RBM43: variants seen among roughly 807,000 people sequenced by gnomAD.
The protein encoded by RBM43 is RNA binding motif protein 43.
Under a neutral mutation model 12.4 loss-of-function variants are expected in RBM43, and 12 were observed. The ratio of observed to expected loss-of-function variants is 0.97; its 90% CI spans 0.62 to 1.57. The LOEUF (loss-of-function observed/expected upper bound fraction) is 1.57, where lower values mean the gene tolerates loss of function less well. Ranked by LOEUF, RBM43 falls within the 40% of genes most tolerant of loss-of-function variation. RBM43 has a pLI of 0.00. For synonymous variants in RBM43, 138 were observed against 145.7 expected (o/e 0.95, Z 0.38); for missense variants, 348 against 400.1 (o/e 0.87, Z 1.11).
chr2:151,259,679 T>C (rs1262651722), intron 1 of RBM43, among the ~76,000 whole-genome samples: 1 of 151,866 alleles, frequency 6.6e-6, no homozygotes, highest in Non-Finnish European at 1.5e-5. Context: ...TTAAATATGG[T>C]TACAAAAAAA....
At chr2:151,259,237 A>AT (rs1425698159) in intron 1 of RBM43, among the ~76,000 whole-genome samples, 1 of 152,216 alleles carries the variant, frequency 6.6e-6, no homozygotes, top group Non-Finnish European at 1.5e-5. Flanking sequence ...AAAAATACAC[A>AT]TAACACTGGA....
intron 1 of RBM43, among the ~76,000 whole-genome samples, chr2:151,257,490 G>A (rs780009618): frequency 6.7e-6 from 1 of 148,918 alleles, no homozygotes; most frequent in Non-Finnish European, 1.5e-5. Flanking sequence ...TTGGGAGTTC[G>A]AGACCAGCCT....
chr2:151,251,672 TAA>T lies in RBM43; in HGVS notation c.316-10_316-9del, dbSNP rs1682906279. On this transcript the variant is annotated splice_polypyrimidine_tract_variant and intron_variant, in intron 3 of 3. Coordinates refer to ENST00000331426, the MANE Select transcript of RBM43 (RefSeq NM_198557.3). ...ATTTACAGAGCTGAAGATCTGAAAT[TAA>T]AAAGAGAGAAATGAAAACAGTACTG... is the stretch of plus-strand genomic sequence containing the variant. The T allele has an allele frequency of 6.3e-7, 1 of 1,598,260 alleles. No individual in the cohort carries two copies. The highest frequency in any genetic ancestry group is 8.5e-7 in the Non-Finnish European group (1 of 1,175,104).
Position 151,248,055 on chromosome 2 carries a change from G to A in RBM43, c.*2851C>T, listed in dbSNP as rs1160471084. 6.6e-6 allele frequency: 1 copy of A among 152,108 alleles called. No homozygotes were observed. Among genetic ancestry groups the A allele is most frequent in the Non-Finnish European group, 1.5e-5 (1 of 67,974 alleles). 9.4% of individuals were successfully genotyped at this position (152,108 alleles called of 1,614,324 possible). A position where few individuals can be genotyped will look rare whatever the true frequency, so the allele number is the denominator to read the frequency against. Reference sequence around the variant, plus strand: ...TTATTTTTCTGACAAAATGGGCTAAGGATAAGCTTTAAGCTTTTTTAATAG... The same window carrying A: ...TTATTTTTCTGACAAAATGGGCTAAAGATAAGCTTTAAGCTTTTTTAATAG... On this transcript the variant is annotated 3_prime_UTR_variant, in exon 4 of 4. Coordinates refer to ENST00000331426, the MANE Select transcript of RBM43 (RefSeq NM_198557.3).
Position 151,251,619 on chromosome 2 carries a change from T to G in RBM43, c.361A>C (p.Lys121Gln), listed in dbSNP as rs540059399. ...NAILDLSVFG[K>Q]EVTLETLVKD... The stretch of plus-strand genomic sequence containing the variant: ...ACCAGAGTTTCTAGAGTAACTTCTT[T>G]TCCAAAAACAGAAAGATCAAGGATG... Residue 121 changes from lysine (K) to glutamine (Q), a missense_variant, in exon 4 of 4, where the codon AAA (lysine) becomes CAA (glutamine). Transcript: ENST00000331426. 4 of 1,612,400 alleles carry G rather than the reference T, an allele frequency of 2.5e-6. No homozygotes were observed. The African/African-American group carries it at 5.3e-5, about 22-fold the overall frequency.
chr2:151,254,141 C>A (rs1394597998), intron 2 of RBM43, among the ~76,000 whole-genome samples: 2 of 151,914 alleles, frequency 1.3e-5, no homozygotes, highest in Non-Finnish European at 2.9e-5. Flanking sequence ...ATTATAGATT[C>A]ATTTGTTTAA....
intron 1 of RBM43, among the ~76,000 whole-genome samples, chr2:151,259,948 C>A (rs1018909120): frequency 3.3e-5 from 5 of 151,918 alleles, no homozygotes; most frequent in Non-Finnish European, 7.4e-5. Flanking sequence ...TCACTGCAAC[C>A]TCCACCTCCC....
rs551694583 is a variant in RBM43, at chr2:151,255,886, G to T, written c.4-143C>A. 28 of 626,956 alleles carry T rather than the reference G, an allele frequency of 4.5e-5. No individual in the cohort carries two copies. The African/African-American group carries it at 5.1e-4, about 12-fold the overall frequency. 38.8% of individuals were successfully genotyped at this position (626,956 alleles called of 1,614,324 possible). On this transcript the variant is annotated intron_variant, in intron 1 of 3. Transcript: ENST00000331426. ...GATACTTTTTAAAAGGGGTGTAGGG[G>T]AGTAAATCCTTGCCTCACACCATAT...
intron 1 of RBM43, chr2:151,261,428 G>T: frequency 6.4e-7 from 1 of 1,550,634 alleles, no homozygotes; most frequent in African/African-American, 1.4e-5. Context: ...GGTGTGGGAG[G>T]TGACAGCCTA....
At chr2:151,259,995 A>G (rs1683026488) in intron 1 of RBM43, among the ~76,000 whole-genome samples, 1 of 151,962 alleles carries the variant, frequency 6.6e-6, no homozygotes, top group Non-Finnish European at 1.5e-5. Flanking sequence ...CCTCCTGAGT[A>G]GCTGGGACTA....
In RBM43 at chr2:151,255,533, C is replaced by CT. The variant is rs746242773; in HGVS notation, c.213dup (p.Val72SerfsTer18). The CT allele has an allele frequency of 1.3e-5, 20 of 1,586,302 alleles. No individual in the cohort carries two copies. The highest frequency in any genetic ancestry group is 4.7e-5 in the South Asian group (4 of 85,430). ...TTACAAAAATTTGACTTGGAAATAC[C>CT]TTTTTTTTCTTTGAATATTACATAT... On this transcript the variant is annotated frameshift_variant and splice_region_variant, in exon 2 of 4. Coordinates refer to ENST00000331426, the MANE Select transcript of RBM43 (RefSeq NM_198557.3). LOFTEE classifies it high-confidence loss of function.
chr2:151,260,583 A>C (rs565857000), intron 1 of RBM43, among the ~76,000 whole-genome samples: 1 of 152,394 alleles, frequency 6.6e-6, no homozygotes, highest in Admixed American at 6.5e-5. Flanking sequence ...AGAAAAAAAC[A>C]TAAAGATGTA....
At chr2:151,254,042 C>T (rs1363926400) in intron 2 of RBM43, among the ~76,000 whole-genome samples, 1 of 151,866 alleles carries the variant, frequency 6.6e-6, no homozygotes, top group African/African-American at 2.4e-5. Context: ...TATGTCTTGT[C>T]GTAGCACTTA....
At chr2:151,252,590 A>G (rs1031734701) in intron 3 of RBM43, among the ~76,000 whole-genome samples, 165 bp downstream of exon 3, 8 of 152,236 alleles carry the variant, frequency 5.3e-5, no homozygotes, top group African/African-American at 1.9e-4. Context: ...GTGATAACCA[A>G]AATTTCAAGG....
At chr2:151,261,016 G>T (rs1683038684) in intron 1 of RBM43, 2 of 460,940 alleles carry the variant, frequency 4.3e-6, no homozygotes, top group South Asian at 4.9e-5. Context: ...AAAATCAGTT[G>T]TTTATTTTCA....
chr2:151,254,287 A>C (rs1032726036), intron 2 of RBM43, among the ~76,000 whole-genome samples: 1 of 149,414 alleles, frequency 6.7e-6, no homozygotes, highest in Non-Finnish European at 1.5e-5. Context: ...ACCGAGGCCA[A>C]TCTCTCTCTC....
At chr2:151,259,942 T>G (rs1683025717) in intron 1 of RBM43, among the ~76,000 whole-genome samples, 1 of 151,730 alleles carries the variant, frequency 6.6e-6, no homozygotes, top group African/African-American at 2.4e-5. Flanking sequence ...CTTGGCTCAC[T>G]GCAACCTCCA....
chr2:151,249,062 C>T lies in RBM43; in HGVS notation c.*1844G>A, dbSNP rs575841279. 6.6e-6 allele frequency: 1 copy of T among 152,076 alleles called. No individual in the cohort carries two copies. Among genetic ancestry groups the T allele is most frequent in the Admixed American group, 6.5e-5 (1 of 15,270 alleles). The allele number at this position is 152,076 out of a possible 1,614,324, so 9.4% of individuals were successfully genotyped here. A position where few individuals can be genotyped will look rare whatever the true frequency, so the allele number is the denominator to read the frequency against. On this transcript the variant is annotated 3_prime_UTR_variant, in exon 4 of 4. Coordinates refer to ENST00000331426, the MANE Select transcript of RBM43 (RefSeq NM_198557.3). ...TCGAACCATATCTGAGAGTTCTGTC[C>T]AAGAGATACTTACTGGAGGGAGAAA...
At position 151,248,386 on chromosome 2, in the gene RBM43, G is replaced by T. The variant is rs901294316; in HGVS notation, c.*2520C>A. On this transcript the variant is annotated 3_prime_UTR_variant, in exon 4 of 4. Coordinates refer to ENST00000331426, the MANE Select transcript of RBM43 (RefSeq NM_198557.3). The stretch of plus-strand genomic sequence containing the variant: ...AAAATGACTTTGTTTTATATCTGCT[G>T]GTTTTCAAGTGTTTTTATTTAAGTA... 2.6e-5 allele frequency: 4 copies of T among 151,976 alleles called. No homozygotes were observed. Among genetic ancestry groups the T allele is most frequent in the Non-Finnish European group, 4.4e-5 (3 of 67,968 alleles). 9.4% of individuals were successfully genotyped at this position (151,976 alleles called of 1,614,324 possible).
Sources: gnomAD v4.1 joint callset for allele counts (sites outside exome capture counted in the v4.1 genomes callset) on GRCh38, gnomAD v4.1.1 for gene constraint, MANE v1.5 for transcripts, NCBI Gene and HGNC (gene_info 2026-07-23, HGNC 2026-07-21) for gene names.